The following CLN8 variants were observed in gnomAD, a reference collection of about 807,000 sequenced individuals.
The protein encoded by CLN8 is protein CLN8.
Under a neutral mutation model 15.7 loss-of-function variants are expected in CLN8, and 14 were observed. The observed-to-expected ratio is 0.89, with a 90% confidence interval of 0.59 to 1.39. The LOEUF (loss-of-function observed/expected upper bound fraction) is 1.39. Ranked by LOEUF, CLN8 falls within the 40% of genes most tolerant of loss-of-function variation. The pLI, the probability that CLN8 is intolerant of heterozygous loss-of-function variation, is 0.00. For missense variants in CLN8, 415 were observed against 364.0 expected, an observed-to-expected ratio of 1.14 and a Z score of -1.14; for synonymous variants, 188 against 151.0, an observed-to-expected ratio of 1.25 and a Z score of -1.80.
intron 2 of CLN8, among the ~76,000 whole-genome samples, chr8:1,772,351 A>G (rs752658990): frequency 2.6e-5 from 4 of 152,242 alleles, no homozygotes; most frequent in African/African-American, 4.8e-5. Flanking sequence ...GGGACCTAGC[A>G]TAGTTATTTG....
upstream of CLN8, chr8:1,763,170 C>A (rs1800849756): frequency 6.6e-6 from 1 of 151,976 alleles, no homozygotes; most frequent in African/African-American, 2.4e-5. Context: ...CGTCCACACC[C>A]GGAGCGCGAC....
At chr8:1,769,481 C>G (rs1328332283) in intron 1 of CLN8, among the ~76,000 whole-genome samples, 1 of 152,124 alleles carries the variant, frequency 6.6e-6, no homozygotes, top group African/African-American at 2.4e-5. Context: ...TGTTCCCAGC[C>G]CTGCTGTCTG....
At chr8:1,755,630 G>T (rs962860003), upstream of CLN8, 1 of 152,242 alleles carries the variant, frequency 6.6e-6, no homozygotes, top group South Asian at 2.1e-4. Context: ...GAGGGCTGGG[G>T]GTTGGACGCA....
chr8:1,760,755 T>C (rs1249065747), upstream of CLN8, among the ~76,000 whole-genome samples: 1 of 152,166 alleles, frequency 6.6e-6, no homozygotes, highest in Non-Finnish European at 1.5e-5. Flanking sequence ...TCTCGGATCT[T>C]GCGCAGGGAG....
intron 2 of CLN8, among the ~76,000 whole-genome samples, chr8:1,772,312 A>C (rs1801345065): frequency 6.6e-6 from 1 of 152,144 alleles, no homozygotes; most frequent in Non-Finnish European, 1.5e-5. Flanking sequence ...TTTTTGAATA[A>C]GGTTGTTGTA....
upstream of CLN8, among the ~76,000 whole-genome samples, chr8:1,753,067 T>G (rs1800591243): frequency 6.6e-6 from 1 of 152,190 alleles, no homozygotes; most frequent in Admixed American, 6.5e-5. Flanking sequence ...GACGCAAAGA[T>G]CTTCCTCTGA....
chr8:1,778,243 G>A (rs1253195160), intron 2 of CLN8, among the ~76,000 whole-genome samples: 2 of 152,186 alleles, frequency 1.3e-5, no homozygotes, highest in African/African-American at 2.4e-5. Flanking sequence ...CAGGGTCTGA[G>A]AACCAGCTAT....
At chr8:1,769,177 G>T (rs1801201019) in intron 1 of CLN8, among the ~76,000 whole-genome samples, 1 of 152,204 alleles carries the variant, frequency 6.6e-6, no homozygotes, top group Admixed American at 6.5e-5. Context: ...TTTTGCCTTT[G>T]ATTATAGACC....
At chr8:1,760,292 C>T (rs1386811371), upstream of CLN8, 1 of 152,078 alleles carries the variant, frequency 6.6e-6, no homozygotes. Context: ...GCTGTGCACC[C>T]AAGATAAATG....
intron 2 of CLN8, 130 bp from the exon 3 acceptor site, chr8:1,780,120 A>T (rs1801663063): frequency 6.5e-7 from 1 of 1,540,102 alleles, no homozygotes; most frequent in Non-Finnish European, 8.7e-7. Flanking sequence ...AGCCCTGGGG[A>T]GGAAATTCTT....
chr8:1,760,780 C>T (rs1800773357), upstream of CLN8, among the ~76,000 whole-genome samples: 1 of 152,096 alleles, frequency 6.6e-6, no homozygotes, highest in Non-Finnish European at 1.5e-5. Context: ...TCAAGGCAGT[C>T]GCAGAGTGCA....
At chr8:1,768,962 C>T (rs1457063745) in intron 1 of CLN8, among the ~76,000 whole-genome samples, 3 of 152,210 alleles carry the variant, frequency 2.0e-5, no homozygotes, top group African/African-American at 7.2e-5. Context: ...GGCAGCCCCT[C>T]AGTTGTCATC....
In CLN8 at chr8:1,785,185, A is replaced by G; in HGVS notation, c.*4618A>G. 6.1e-6 allele frequency: 1 copy of G among 164,744 alleles called. No homozygotes were observed. Among genetic ancestry groups the G allele is most frequent in the Middle Eastern group, 2.8e-3 (1 of 356 alleles). The allele number at this position is 164,744 out of a possible 1,614,324, so 10.2% of individuals were successfully genotyped here. On this transcript the variant is annotated 3_prime_UTR_variant, in exon 3 of 3. Transcript: ENST00000331222. The stretch of plus-strand genomic sequence containing the variant: ...GAACCGCGAGGGTCTCCCGCTCCTC[A>G]GGCTTGCGGCTCGGCCGCGAAGTGT...
At position 1,784,150 on chromosome 8, in the gene CLN8, TG is replaced by T. The variant is rs930090729; in HGVS notation, c.*3585del. ...AAAAAACAAAACTAGCTGGGGGTGGTGGTGCATGCCTGTGGTCCCAGCTACT... is the reference window on the plus strand; with the variant it reads ...AAAAAACAAAACTAGCTGGGGGTGGTGTGCATGCCTGTGGTCCCAGCTACT... On this transcript the variant is annotated 3_prime_UTR_variant, in exon 3 of 3. Transcript: ENST00000331222. The T allele has an allele frequency of 1.9e-4, 29 of 152,180 alleles. No homozygotes were observed. Among genetic ancestry groups the T allele is most frequent in the African/African-American group, 7.0e-4 (29 of 41,474 alleles). 9.4% of individuals were successfully genotyped at this position (152,180 alleles called of 1,614,324 possible).
chr8:1,771,414 A>C lies in CLN8; in HGVS notation c.360A>C (p.Ala120=). The C allele has an allele frequency of 6.2e-7, 1 of 1,614,170 alleles. No individual in the cohort carries two copies. The highest frequency in any genetic ancestry group is 8.5e-7 in the Non-Finnish European group (1 of 1,180,020). The change falls in exon 2 of 3, where the codon GCA becomes GCC. Residue 120 remains alanine, a synonymous_variant. Transcript: ENST00000331222. ...GATTCTTTTGCTTTGAAAATGTTGCAGTCCACCTGTCCAACTTGATCTTCC... is the reference window on the plus strand; with the variant it reads ...GATTCTTTTGCTTTGAAAATGTTGCCGTCCACCTGTCCAACTTGATCTTCC... ...ATGFFCFENV[A]VHLSNLIFRT... is the part of the protein sequence containing the mutation.
intron 2 of CLN8, among the ~76,000 whole-genome samples, chr8:1,775,881 G>C (rs1476680545): frequency 2.0e-5 from 3 of 152,224 alleles, no homozygotes; most frequent in African/African-American, 7.2e-5. Context: ...CCTGTGCCAG[G>C]TGCCGGGTCA....
intron 1 of CLN8, chr8:1,758,428 A>G (rs1800720971): frequency 6.6e-6 from 1 of 152,232 alleles, no homozygotes; most frequent in Non-Finnish European, 1.5e-5. Flanking sequence ...GAACTGCTGC[A>G]TAAGGTGGTT....
At position 1,782,331 on chromosome 8, in the gene CLN8, G is replaced by C. The variant is rs1338815491; in HGVS notation, c.*1764G>C. ...GCTGATTTTTTGTATTTTTAGTAGA[G>C]ACAGGGTTTCACCATGTTGGCCAGG... On this transcript the variant is annotated 3_prime_UTR_variant, in exon 3 of 3. Coordinates refer to ENST00000331222, the MANE Select transcript of CLN8 (RefSeq NM_018941.4). 6.6e-6 allele frequency: 1 copy of C among 152,116 alleles called. No individual in the cohort carries two copies. The highest frequency in any genetic ancestry group is 1.5e-5 in the Non-Finnish European group (1 of 68,046). 9.4% of individuals were successfully genotyped at this position (152,116 alleles called of 1,614,324 possible).
intron 2 of CLN8, 42 bp from the exon 3 acceptor site, chr8:1,780,208 C>T (rs1801667986): frequency 1.2e-6 from 2 of 1,614,170 alleles, no homozygotes; most frequent in Non-Finnish European, 1.7e-6. Flanking sequence ...TGAATTTTGG[C>T]AGTTTCGCAT....
Sources: allele counts gnomAD v4.1 joint callset (sites outside exome capture counted in the v4.1 genomes callset), GRCh38; gene constraint gnomAD v4.1.1; transcripts MANE v1.5; gene names NCBI Gene and HGNC (gene_info 2026-07-23, HGNC 2026-07-21).